Variants in RASAL2 observed in about 807,000 individuals in gnomAD.
RASAL2 encodes the protein RAS protein activator like 2, also known as ras GTPase-activating protein nGAP.
In RASAL2, 58 loss-of-function variants were observed where a neutral mutation model predicts 128.9. That is an observed-to-expected ratio of 0.45 (90% CI 0.36 to 0.56). RASAL2 has a LOEUF of 0.56. Ranked by LOEUF, RASAL2 falls within the 20% of genes least tolerant of loss-of-function variation. The pLI is 0.00. For synonymous variants in RASAL2, 561 were observed against 580.8 expected (o/e 0.97, Z 0.49); for missense variants, 1,360 against 1,601.6 (o/e 0.85, Z 2.57).
intron 3 of RASAL2, among the ~76,000 whole-genome samples, chr1:178,342,797 A>T (rs1013122775): frequency 5.9e-5 from 9 of 152,298 alleles, no homozygotes; most frequent in African/African-American, 2.2e-4. Context: ...TTATCCAGCT[A>T]TTTTGACCAG....
chr1:178,330,012 A>G (rs1163208139), intron 3 of RASAL2, among the ~76,000 whole-genome samples: 1 of 152,202 alleles, frequency 6.6e-6, no homozygotes, highest in Non-Finnish European at 1.5e-5. Context: ...AATAATAAGT[A>G]TACATTCAGT....
chr1:178,456,937 C>T, intron 13 of RASAL2, 38 bp downstream of exon 13: 1 of 1,581,914 alleles, frequency 6.3e-7, no homozygotes, highest in South Asian at 1.1e-5. Flanking sequence ...CTCGGAGAAA[C>T]ATAATGTTTA....
chr1:178,211,811 A>G (rs768117085), intron 1 of RASAL2, among the ~76,000 whole-genome samples: 4 of 152,058 alleles, frequency 2.6e-5, no homozygotes, highest in African/African-American at 7.2e-5. Flanking sequence ...TTCTGTATGT[A>G]CTTTATATTT....
intron 1 of RASAL2, among the ~76,000 whole-genome samples, chr1:178,121,568 C>T (rs948754045): frequency 1.3e-5 from 2 of 152,054 alleles, no homozygotes; most frequent in Non-Finnish European, 2.9e-5. Flanking sequence ...TCACTGCAAC[C>T]TCCATCTCCC....
In RASAL2 at chr1:178,315,460, T is replaced by C. The variant is rs1303055334; in HGVS notation, c.457+15342T>C. Among the ~76,000 whole-genome samples, 3 of 145,322 alleles carry C rather than the reference T, an allele frequency of 2.1e-5. No individual in the cohort carries two copies. In the East Asian group the frequency reaches 5.9e-4, roughly 28 times the overall value. ...ATCCTCTCCAGCACCTGTCGTTTCC[T>C]GACTTTTTAATGATTGCCATTCTAA... On this transcript the variant is annotated intron_variant, in intron 3 of 17. Coordinates refer to ENST00000367649, the MANE Select transcript of RASAL2 (RefSeq NM_170692.4).
chr1:178,303,487 A>C (rs1667858956), intron 3 of RASAL2, among the ~76,000 whole-genome samples: 1 of 152,104 alleles, frequency 6.6e-6, no homozygotes, highest in Middle Eastern at 3.4e-3. Context: ...TCATGCAAAA[A>C]TCTCATAATG....
intron 9 of RASAL2, among the ~76,000 whole-genome samples, chr1:178,451,268 A>G (rs2102883021): frequency 6.6e-6 from 1 of 152,342 alleles, no homozygotes; most frequent in East Asian, 1.9e-4. Flanking sequence ...CTAATTAAAC[A>G]TATATTTAGT....
At chr1:178,415,636 C>G (rs1233309571) in intron 4 of RASAL2, among the ~76,000 whole-genome samples, 1 of 152,072 alleles carries the variant, frequency 6.6e-6, no homozygotes, top group Non-Finnish European at 1.5e-5. Context: ...TTTCTGCCTG[C>G]TAGATCTGTC....
intron 5 of RASAL2, among the ~76,000 whole-genome samples, chr1:178,438,459 A>G (rs1392696049): frequency 6.6e-6 from 1 of 151,848 alleles, no homozygotes; most frequent in Non-Finnish European, 1.5e-5. Context: ...ATATGTGTGT[A>G]ACTCTGGGTG....
chr1:178,341,029 T>C (rs547589889), intron 3 of RASAL2, among the ~76,000 whole-genome samples: 1 of 152,306 alleles, frequency 6.6e-6, no homozygotes, highest in Non-Finnish European at 1.5e-5. Flanking sequence ...TTTAAGAAGG[T>C]AGTTTAAGAT....
At chr1:178,319,713 T>G (rs1668658431) in intron 3 of RASAL2, among the ~76,000 whole-genome samples, 1 of 151,688 alleles carries the variant, frequency 6.6e-6, no homozygotes, top group Non-Finnish European at 1.5e-5. Context: ...TTTTCAAAGT[T>G]TTCAACTTCT....
intron 3 of RASAL2, 21 bp from the exon 4 acceptor site, chr1:178,390,079 A>C: frequency 6.5e-7 from 1 of 1,542,036 alleles, no homozygotes. Context: ...ATGATGTTTC[A>C]ACTTTCCTCC....
At position 178,389,226 on chromosome 1, in the gene RASAL2, G is replaced by T. The variant is rs374994496; in HGVS notation, c.458-874G>T. 40 of 972,740 alleles carry T rather than the reference G, an allele frequency of 4.1e-5. No homozygotes were observed. The East Asian group carries it at 1.9e-3, about 47-fold the overall frequency. 60.3% of individuals were successfully genotyped at this position (972,740 alleles called of 1,614,324 possible). ...TGGCTTTTTTTTCCTTGTCCATGTT[G>T]AGATTATCTAATGTTATCTGAGAAG... On this transcript the variant is annotated intron_variant, in intron 3 of 17. Coordinates refer to ENST00000367649, the MANE Select transcript of RASAL2 (RefSeq NM_170692.4).
chr1:178,260,308 C>T (rs1225881895), intron 1 of RASAL2, among the ~76,000 whole-genome samples: 6 of 130,498 alleles, frequency 4.6e-5, no homozygotes, highest in East Asian at 2.3e-4. Context: ...GCCGAGATCA[C>T]GCCACTGCAC....
intron 4 of RASAL2, among the ~76,000 whole-genome samples, chr1:178,419,332 G>GGT (rs772295754): frequency 3.7e-4 from 57 of 152,152 alleles, no homozygotes; most frequent in Admixed American, 9.8e-4. Context: ...GGAGTGCTGT[G>GGT]GTACAGTCAT....
At chr1:178,458,818 G>C (rs1051433130) in intron 14 of RASAL2, among the ~76,000 whole-genome samples, 8 of 152,136 alleles carry the variant, frequency 5.3e-5, no homozygotes, top group African/African-American at 1.4e-4. Flanking sequence ...TTTGCACTTA[G>C]AGCAAATCTA....
chr1:178,356,705 A>G (rs957897700), intron 3 of RASAL2, among the ~76,000 whole-genome samples: 8 of 152,210 alleles, frequency 5.3e-5, no homozygotes, highest in Non-Finnish European at 1.5e-5. Flanking sequence ...AAATAGGTAT[A>G]GTGGTTATCT....
At chr1:178,185,227 C>T (rs1462154358) in intron 1 of RASAL2, among the ~76,000 whole-genome samples, 1 of 150,680 alleles carries the variant, frequency 6.6e-6, no homozygotes, top group African/African-American at 2.4e-5. Flanking sequence ...CTTTTTGGTT[C>T]CGAGAGGTTT....
At chr1:178,336,368 T>A (rs923333592) in intron 3 of RASAL2, among the ~76,000 whole-genome samples, 2 of 152,072 alleles carry the variant, frequency 1.3e-5, no homozygotes, top group Non-Finnish European at 2.9e-5. Context: ...AAAGACTGAT[T>A]GTACCATAAG....
Sources: allele counts gnomAD v4.1 joint callset (sites outside exome capture counted in the v4.1 genomes callset), GRCh38; gene constraint gnomAD v4.1.1; transcripts MANE v1.5; gene names NCBI Gene and HGNC (gene_info 2026-07-23, HGNC 2026-07-21).